MITF: variants seen among roughly 807,000 people sequenced by gnomAD.
MITF encodes melanocyte inducing transcription factor.
Under a neutral mutation model 60.5 loss-of-function variants are expected in MITF, and 17 were observed. The ratio of observed to expected loss-of-function variants is 0.28; its 90% CI spans 0.19 to 0.42. The LOEUF (loss-of-function observed/expected upper bound fraction) is 0.42. Ranked by LOEUF, MITF falls within the 10% of genes least tolerant of loss-of-function variation. MITF has a pLI of 1.00. For missense variants in MITF, 622 were observed against 683.5 expected (o/e 0.91, Z 1.00); for synonymous variants, 260 against 248.5 (o/e 1.05, Z -0.43).
chr3:69,851,823 G>A (rs1340679750), intron 1 of MITF, among the ~76,000 whole-genome samples: 1 of 152,090 alleles, frequency 6.6e-6, no homozygotes, highest in East Asian at 1.9e-4. Context: ...AAAAGGAGAT[G>A]AAAACATTTA....
chr3:69,827,756 CT>C (rs2063379324), intron 1 of MITF, among the ~76,000 whole-genome samples: 1 of 151,808 alleles, frequency 6.6e-6, no homozygotes, highest in Non-Finnish European at 1.5e-5. Flanking sequence ...CTTCACATCA[CT>C]TTACTGTCAA....
intron 2 of MITF, among the ~76,000 whole-genome samples, chr3:69,887,989 A>T (rs1356015327): frequency 6.6e-6 from 1 of 152,114 alleles, no homozygotes; most frequent in African/African-American, 2.4e-5. Flanking sequence ...GAAGAAAGAT[A>T]ACAAGGTGTA....
intron 1 of MITF, among the ~76,000 whole-genome samples, chr3:69,815,277 C>A (rs527945707): frequency 6.6e-6 from 1 of 152,222 alleles, no homozygotes; most frequent in South Asian, 2.1e-4. Flanking sequence ...CCAAGTTAAC[C>A]GTTTCCTGCT....
At chr3:69,866,588 C>A (rs1283894095) in intron 1 of MITF, among the ~76,000 whole-genome samples, 4 of 152,078 alleles carry the variant, frequency 2.6e-5, no homozygotes, top group South Asian at 2.1e-4. Flanking sequence ...AACCCAATAT[C>A]CTTGCCCTCT....
Position 69,959,355 on chromosome 3 carries a change from A to G in MITF, c.1114A>G (p.Lys372Glu). 6.2e-7 allele frequency: 1 copy of G among 1,614,060 alleles called. No individual in the cohort carries two copies. Among genetic ancestry groups the G allele is most frequent in the Non-Finnish European group, 8.5e-7 (1 of 1,179,960 alleles). Residue 372 changes from lysine to glutamate, a missense_variant, in exon 9 of 10, where the codon AAA (lysine) becomes GAA (glutamate). Transcript: ENST00000352241. ...GTTGCAACGAGAACAGCAACGCGCA[A>G]AAGAACTTGAAAACCGACAGAAGAA... ...RKLQREQQRA[K>E]ELENRQKKLE...
chr3:69,937,959 T>C lies in MITF; in HGVS notation c.492T>C (p.Pro164=). Residue 164 remains proline, a synonymous_variant, in exon 3 of 10, where the codon CCT becomes CCC. Coordinates refer to ENST00000352241, the MANE Select transcript of MITF (RefSeq NM_001354604.2). ...QVLSLPCPNQ[P]GDHVMPPVPG... The stretch of plus-strand genomic sequence containing the variant: ...TGAGCTTGCCATGTCCAAACCAGCC[T>C]GGCGATCATGTCATGCCACCGGTGC... The C allele has an allele frequency of 6.2e-7, 1 of 1,614,168 alleles. No homozygotes were observed. Among genetic ancestry groups the C allele is most frequent in the Admixed American group, 1.7e-5 (1 of 60,032 alleles).
chr3:69,943,160 T>C (rs2066010550), intron 5 of MITF, among the ~76,000 whole-genome samples: 1 of 147,222 alleles, frequency 6.8e-6, no homozygotes, highest in African/African-American at 2.5e-5. Flanking sequence ...TCTTCCTCCC[T>C]CAAGTAGCTG....
At chr3:69,796,548 G>A (rs1480847941) in intron 1 of MITF, among the ~76,000 whole-genome samples, 2 of 123,130 alleles carry the variant, frequency 1.6e-5, no homozygotes, top group East Asian at 2.2e-4. Flanking sequence ...CGCCCAGGCC[G>A]GACTGCGGAC....
intron 1 of MITF, among the ~76,000 whole-genome samples, chr3:69,817,708 G>A (rs1005218656): frequency 6.6e-6 from 1 of 152,042 alleles, no homozygotes; most frequent in Non-Finnish European, 1.5e-5. Context: ...AATCTGAATG[G>A]TGCATGTATG....
chr3:69,786,185 A>G (rs2062646364), intron 1 of MITF, among the ~76,000 whole-genome samples: 1 of 152,194 alleles, frequency 6.6e-6, no homozygotes, highest in Non-Finnish European at 1.5e-5. Context: ...AAATCAGGGT[A>G]GTTTCCAAAG....
Position 69,799,349 on chromosome 3 carries a change from G to A in MITF, c.104+59648G>A, listed in dbSNP as rs112727346. 4.3e-3 allele frequency among the ~76,000 whole-genome samples: 659 copies of A among 152,274 alleles called. 5 individuals carry two copies. The highest frequency in any genetic ancestry group is 0.015 in the African/African-American group (611 of 41,558). On this transcript the variant is annotated intron_variant, in intron 1 of 9. Transcript: ENST00000352241. ...AAGCTGAGCAGGAAATAGTTGTGGA[G>A]TGTTGGAAAGAGGAAATAACTGGGA...
chr3:69,872,675 C>G (rs2064265485), intron 1 of MITF, among the ~76,000 whole-genome samples: 1 of 152,000 alleles, frequency 6.6e-6, no homozygotes, highest in Non-Finnish European at 1.5e-5. Context: ...TCTAATCAGT[C>G]ATTGAGATTA....
chr3:69,783,699 GT>G (rs546272697), intron 1 of MITF, among the ~76,000 whole-genome samples: 216 of 151,098 alleles, frequency 1.4e-3, no homozygotes, highest in South Asian at 5.7e-3. Context: ...TCCAGAATAT[GT>G]TTTTTTTTGT....
At chr3:69,845,439 TTTC>T (rs1278211763) in intron 1 of MITF, among the ~76,000 whole-genome samples, 13 of 71,320 alleles carry the variant, frequency 1.8e-4, no homozygotes, top group African/African-American at 4.5e-4. Flanking sequence ...TTCTTTTTTC[TTTC>T]TTTTTTTTTT....
chr3:69,921,631 T>A (rs2065470197), intron 2 of MITF, among the ~76,000 whole-genome samples: 1 of 152,194 alleles, frequency 6.6e-6, no homozygotes, highest in African/African-American at 2.4e-5. Context: ...TAGAAACATC[T>A]CCTTTGCATG....
intron 2 of MITF, among the ~76,000 whole-genome samples, chr3:69,934,237 G>A (rs2065783269): frequency 6.6e-6 from 1 of 152,094 alleles, no homozygotes; most frequent in African/African-American, 2.4e-5. Context: ...CTAAGATATT[G>A]TTTTCCTTTT....
chr3:69,873,750 G>A (rs748103205), intron 1 of MITF, among the ~76,000 whole-genome samples: 28 of 152,148 alleles, frequency 1.8e-4, no homozygotes, highest in Non-Finnish European at 3.4e-4. Flanking sequence ...TTAGAGGTAT[G>A]GGTTCATGTT....
intron 1 of MITF, among the ~76,000 whole-genome samples, chr3:69,750,893 A>G (rs1209035893): frequency 2.6e-5 from 4 of 152,110 alleles, no homozygotes; most frequent in African/African-American, 9.7e-5. Flanking sequence ...GAATACCCAT[A>G]TTTGCCGTGT....
intron 1 of MITF, among the ~76,000 whole-genome samples, chr3:69,742,232 G>C (rs1177663865): frequency 1.3e-5 from 2 of 152,058 alleles, no homozygotes; most frequent in Non-Finnish European, 2.9e-5. Flanking sequence ...ACAGTGTCTG[G>C]AGACATTTGT....
Sources: allele counts gnomAD v4.1 joint callset (sites outside exome capture counted in the v4.1 genomes callset), GRCh38; gene constraint gnomAD v4.1.1; transcripts MANE v1.5; gene names NCBI Gene and HGNC (gene_info 2026-07-23, HGNC 2026-07-21).